The following PKP3 variants were observed in gnomAD, a reference collection of about 807,000 sequenced individuals.
The protein encoded by PKP3 is plakophilin 3, also known as plakophilin-3.
A neutral mutation model predicts 76.5 loss-of-function variants in PKP3; 66 were observed. That is an observed-to-expected ratio of 0.86 (90% CI 0.71 to 1.06). The LOEUF is 1.06. PKP3 is among the 50% of genes least tolerant of loss of function. The probability of loss-of-function intolerance (pLI) is 0.00; values close to 1 mark genes in which losing one functional copy is unlikely to be tolerated. For synonymous variants in PKP3, 638 were observed against 516.5 expected (o/e 1.24, Z -3.19); for missense variants, 1,338 against 1,141.0 (o/e 1.17, Z -2.49).
chr11:404,331 T>A lies in PKP3; in HGVS notation c.2358+8T>A. The A allele has an allele frequency of 6.2e-7, 1 of 1,610,582 alleles. No individual in the cohort carries two copies. Among genetic ancestry groups the A allele is most frequent in the Non-Finnish European group, 8.5e-7 (1 of 1,178,162 alleles). ...CACCGTGACTTCCGGGCGGTACGTT[T>A]CCCGAGCCCAGGGCAAGCAGGGACC... On this transcript the variant is annotated splice_region_variant and intron_variant, in intron 12 of 12. Coordinates refer to ENST00000331563, the MANE Select transcript of PKP3 (RefSeq NM_007183.4). The surrounding 1 kb of genome is among the most constrained non-coding windows in gnomAD (Gnocchi z 4.2).
In PKP3 at chr11:404,601, C is replaced by T; in HGVS notation, c.*32C>T. 2 of 1,607,060 alleles carry T rather than the reference C, an allele frequency of 1.2e-6. No individual in the cohort carries two copies. Among genetic ancestry groups the T allele is most frequent in the East Asian group, 2.2e-5 (1 of 44,850 alleles). On this transcript the variant is annotated 3_prime_UTR_variant, in exon 13 of 13. Coordinates refer to ENST00000331563, the MANE Select transcript of PKP3 (RefSeq NM_007183.4). The surrounding 1 kb of genome is among the most constrained non-coding windows in gnomAD (Gnocchi z 4.2). ...CCTTCTGGAGGAGAAGGTGACGTGG[C>T]CCAGCGTCCAAGGGACAGACTCAGC...
Position 394,235 on chromosome 11 carries a change from G to C in PKP3, c.-58G>C, listed in dbSNP as rs545864031. 5.7e-4 allele frequency: 818 copies of C among 1,438,200 alleles called. 6 individuals are homozygous for C. The African/African-American group carries it at 0.011, about 20-fold the overall frequency. 89.1% of individuals were successfully genotyped at this position (1,438,200 alleles called of 1,614,324 possible). On this transcript the variant is annotated 5_prime_UTR_variant, in exon 1 of 13. Transcript: ENST00000331563. Reference sequence around the variant, plus strand: ...GGGAGAGGGCCTCGAGGGACAGGACGTGAAGATAGTTGGGTTTGGAGGCGG... The same window carrying C: ...GGGAGAGGGCCTCGAGGGACAGGACCTGAAGATAGTTGGGTTTGGAGGCGG...
rs1407325038 is a variant in PKP3 at position 397,632 on chromosome 11, G to A, written c.1038G>A (p.Lys346=). ...QVLGAAYIQH[K]CYSDAAAKKQ... ...TGGGAGCGGCCTACATCCAGCACAA[G>A]TGCTACAGCGATGCAGCCGCCAAGA... Residue 346 remains lysine (K), a synonymous_variant, in exon 4 of 13, where the codon AAG becomes AAA. Transcript: ENST00000331563. The A allele has an allele frequency of 6.2e-7, 1 of 1,611,864 alleles. No homozygotes were observed. The highest frequency in any genetic ancestry group is 8.5e-7 in the Non-Finnish European group (1 of 1,179,414).
chr11:397,689 G>GC, intron 4 of PKP3, 27 bp downstream of exon 4: 1 of 1,602,852 alleles, frequency 6.2e-7, no homozygotes, highest in South Asian at 1.1e-5. Context: ...CCCACTCGCT[G>GC]CCCCCTGGTG....
chr11:397,730 T>G, intron 4 of PKP3, 68 bp downstream of exon 4: 1 of 1,518,318 alleles, frequency 6.6e-7, no homozygotes, highest in South Asian at 1.2e-5. Context: ...CACCTCCCAC[T>G]GTCCTCTGCT....
At chr11:399,806 C>A (rs1209283012) in intron 5 of PKP3, among the ~76,000 whole-genome samples, 161 bp from the exon 6 acceptor site, 1 of 151,702 alleles carries the variant, frequency 6.6e-6, no homozygotes, top group Non-Finnish European at 1.5e-5. Flanking sequence ...CCAGCTCTAT[C>A]ACCTCAAATG....
upstream of PKP3, chr11:394,115 C>T: frequency 1.0e-6 from 1 of 996,674 alleles, no homozygotes; most frequent in Non-Finnish European, 1.3e-6. Context: ...CTCCCTCCCA[C>T]CTGGCCAGGT....
rs755308908 is a variant in PKP3 at position 404,502 on chromosome 11, G to A, written c.2359-32G>A. ...GGCAGAGGGCCACATGGGCAGACAT[G>A]CACCCTGACCTTGGGCCTCTCTCCA... is the stretch of plus-strand genomic sequence containing the variant. On this transcript the variant is annotated intron_variant, in intron 12 of 12. Coordinates refer to ENST00000331563, the MANE Select transcript of PKP3 (RefSeq NM_007183.4). This position sits in a 1 kb window ranked among gnomAD's most constrained non-coding sequence, Gnocchi z 4.2. 1 of 1,610,940 alleles carries A rather than the reference G, an allele frequency of 6.2e-7. No individual in the cohort carries two copies. The highest frequency in any genetic ancestry group is 1.7e-5 in the Admixed American group (1 of 60,020).
rs1008548068 is a variant in PKP3, at chr11:397,359, C to T, written c.858C>T (p.Leu286=). The T allele has an allele frequency of 1.7e-5, 27 of 1,599,768 alleles. No individual in the cohort carries two copies. The highest frequency in any genetic ancestry group is 2.3e-5 in the Non-Finnish European group (27 of 1,174,470). ...CGCCATCTGTGCGCAGCCTCAGCCT[C>T]AGCCTGGCTGACTCGGGCCACCTGC... ...ARAPSVRSLS[L]SLADSGHLPD... The change falls in exon 3 of 13, where the codon CTC becomes CTT. Residue 286 remains leucine (L), a synonymous_variant. Coordinates refer to ENST00000331563, the MANE Select transcript of PKP3 (RefSeq NM_007183.4).
At position 400,377 on chromosome 11, in the gene PKP3, G is replaced by C; in HGVS notation, c.1492G>C (p.Glu498Gln). The C allele has an allele frequency of 6.5e-7, 1 of 1,549,418 alleles. No homozygotes were observed. Among genetic ancestry groups the C allele is most frequent in the East Asian group, 2.4e-5 (1 of 40,904 alleles). Residue 498 changes from glutamate to glutamine, a missense_variant, in exon 7 of 13, where the codon GAG (glutamate) becomes CAG (glutamine). Transcript: ENST00000331563. The stretch of plus-strand genomic sequence containing the variant: ...TCAGGCCACTCGCCAGAAGATGCGG[G>C]AGTGCCACGGGCTGGTGGACGCCCT... ...ASQATRQKMR[E>Q]CHGLVDALVT... is the part of the protein sequence containing the mutation.
chr11:396,842 A>G lies in PKP3; in HGVS notation c.341A>G (p.Tyr114Cys). Reference protein sequence around the residue: ...SGFRPIAKPAYSPASWSSRSA... With the variant: ...SGFRPIAKPACSPASWSSRSA... ...TTCCGGCCCATCGCCAAGCCGGCCT[A>G]CAGCCCAGCCTCCTGGTCCTCCCGC... is the stretch of plus-strand genomic sequence containing the variant. The change falls in exon 3 of 13, where the codon TAC becomes TGC. Residue 114 changes from tyrosine to cysteine, a missense_variant. Physicochemically the swap from Tyr to Cys is radical, Grantham distance 194. Coordinates refer to ENST00000331563, the MANE Select transcript of PKP3 (RefSeq NM_007183.4). The G allele has an allele frequency of 6.3e-7, 1 of 1,598,356 alleles. No individual in the cohort carries two copies. Among genetic ancestry groups the G allele is most frequent in the Non-Finnish European group, 8.5e-7 (1 of 1,175,908 alleles).
Position 397,049 on chromosome 11 carries a change from C to G in PKP3, c.548C>G (p.Ser183Trp), listed in dbSNP as rs200932686. 169 of 1,599,428 alleles carry G rather than the reference C, an allele frequency of 1.1e-4. 1 individual carries two copies. The East Asian group carries it at 2.4e-3, about 22-fold the overall frequency. ...RADYDTLSLR[S>W]LRLGPGGLDD... ...GACTATGACACACTCTCCCTGCGCT[C>G]GCTGCGGCTGGGGCCCGGGGGCCTG... Residue 183 changes from serine to tryptophan, a missense_variant, in exon 3 of 13, where the codon TCG (serine) becomes TGG (tryptophan). Transcript: ENST00000331563.
At chr11:392,698 C>T (rs1437548897), upstream of PKP3, 6 of 1,286,546 alleles carry the variant, frequency 4.7e-6, no homozygotes, top group South Asian at 2.5e-5. Context: ...GGGATCCGGA[C>T]CACGAGCCGG....
In PKP3 at chr11:403,204, C is replaced by G; in HGVS notation, c.1864C>G (p.Arg622Gly). Reference sequence around the variant, plus strand: ...GCTGCTGCAGCGCTGCGAGCTCAACCGGCACACGACGGAGGCGGCCGCCGG... The same window carrying G: ...GCTGCTGCAGCGCTGCGAGCTCAACGGGCACACGACGGAGGCGGCCGCCGG... ...NRLLQRCELN[R>G]HTTEAAAGAL... Residue 622 changes from arginine (R) to glycine (G), a missense_variant, in exon 9 of 13, where the codon CGG becomes GGG. Transcript: ENST00000331563. 1 of 1,590,436 alleles carries G rather than the reference C, an allele frequency of 6.3e-7. No individual in the cohort carries two copies. The highest frequency in any genetic ancestry group is 1.1e-5 in the South Asian group (1 of 88,062).
At chr11:396,222 T>G in intron 1 of PKP3, 1 of 207,038 alleles carries the variant, frequency 4.8e-6, no homozygotes, top group Non-Finnish European at 9.7e-6. Flanking sequence ...TCAAAAGGAG[T>G]CAGTGTGGGC....
chr11:403,643 C>T lies in PKP3; in HGVS notation c.1949C>T (p.Ala650Val). 9 of 1,608,034 alleles carry T rather than the reference C, an allele frequency of 5.6e-6. No individual in the cohort carries two copies. The highest frequency in any genetic ancestry group is 7.6e-6 in the Non-Finnish European group (9 of 1,179,810). The change falls in exon 10 of 13, where the codon GCC becomes GTC. Residue 650 changes from alanine (A) to valine (V), a missense_variant. Transcript: ENST00000331563. ...RRWAGVLSRL[A>V]LEQERILNPL... ...TGGGCGGGGGTGCTGAGCCGCCTGG[C>T]CCTGGAGCAGGAGCGTATTCTGAAC... is the stretch of plus-strand genomic sequence containing the variant.
Position 394,462 on chromosome 11 carries a change from T to G in PKP3, c.170T>G (p.Leu57Arg). 1 of 1,444,682 alleles carries G rather than the reference T, an allele frequency of 6.9e-7. No individual in the cohort carries two copies. Among genetic ancestry groups the G allele is most frequent in the Non-Finnish European group, 9.0e-7 (1 of 1,105,506 alleles). 89.5% of individuals were successfully genotyped at this position (1,444,682 alleles called of 1,614,324 possible). A position where few individuals can be genotyped will look rare whatever the true frequency, so the allele number is the denominator to read the frequency against. Residue 57 changes from leucine to arginine, a missense_variant, in exon 1 of 13, where the codon CTG (leucine) becomes CGG (arginine). By Grantham distance (102) the Leu-to-Arg change is moderately radical. Transcript: ENST00000331563. ...CAGGTCCGCGCCCGCCTCTTGCAGC[T>G]GGGACAGCAGCCGCGGCACAACGGG... ...QEQVRARLLQLGQQPRHNGAA... is the reference protein window; with the variant it reads ...QEQVRARLLQRGQQPRHNGAA...
rs766948824 is a variant in PKP3 at position 400,054 on chromosome 11, G to A, written c.1361G>A (p.Ser454Asn). 2 of 1,605,986 alleles carry A rather than the reference G, an allele frequency of 1.2e-6. No individual in the cohort carries two copies. Among genetic ancestry groups the A allele is most frequent in the South Asian group, 2.2e-5 (2 of 90,148 alleles). Residue 454 changes from serine (S) to asparagine (N), a missense_variant, in exon 6 of 13, where the codon AGC becomes AAC. Ser to Asn is a conservative substitution (Grantham distance 46). Transcript: ENST00000331563. ...TLEQLTDLVL[S>N]PLSGAGGPPL... ...GAGCAGCTCACAGACCTGGTGTTGA[G>A]CCCCCTGTCGGGGGCTGGGGGTCCC...
In PKP3 at chr11:404,671, G is replaced by A. The variant is rs1405724886; in HGVS notation, c.*102G>A. 6 of 1,209,016 alleles carry A rather than the reference G, an allele frequency of 5.0e-6. No individual in the cohort carries two copies. Among genetic ancestry groups the A allele is most frequent in the East Asian group, 2.4e-5 (1 of 41,696 alleles). 74.9% of individuals were successfully genotyped at this position (1,209,016 alleles called of 1,614,324 possible). On this transcript the variant is annotated 3_prime_UTR_variant, in exon 13 of 13. Coordinates refer to ENST00000331563, the MANE Select transcript of PKP3 (RefSeq NM_007183.4). The surrounding 1 kb of genome is among the most constrained non-coding windows in gnomAD (Gnocchi z 4.2). Reference sequence around the variant, plus strand: ...CAGCCTGGAGGAGAAGGCTAATGACGGAGGGGCCCCTCGCTGGGGCCCCTG... The same window carrying A: ...CAGCCTGGAGGAGAAGGCTAATGACAGAGGGGCCCCTCGCTGGGGCCCCTG...
Sources: allele counts gnomAD v4.1 joint callset (sites outside exome capture counted in the v4.1 genomes callset), GRCh38; gene constraint gnomAD v4.1.1; non-coding constraint Gnocchi (gnomAD v3.1); transcripts MANE v1.5; gene names NCBI Gene and HGNC (gene_info 2026-07-23, HGNC 2026-07-21).